WDR25: variants seen among roughly 807,000 people sequenced by gnomAD.
WDR25 encodes WD repeat domain 25, also known as WD repeat-containing protein 25.
WDR25 carries 35 observed loss-of-function variants against 47.7 expected under a neutral mutation model. The ratio of observed to expected loss-of-function variants is 0.73; its 90% CI spans 0.56 to 0.97. The LOEUF (loss-of-function observed/expected upper bound fraction) is 0.97. WDR25 is among the 50% of genes least tolerant of loss of function. WDR25 has a pLI of 0.00. For missense variants in WDR25, 634 were observed against 704.7 expected, an observed-to-expected ratio of 0.90 and a Z score of 1.14; for synonymous variants, 248 against 278.9, an observed-to-expected ratio of 0.89 and a Z score of 1.10.
intron 4 of WDR25, among the ~76,000 whole-genome samples, chr14:100,507,689 C>A (rs1901161948): frequency 6.7e-6 from 1 of 148,710 alleles, no homozygotes; most frequent in African/African-American, 2.5e-5. Flanking sequence ...AATGGTATTG[C>A]AAATGGGATT....
At chr14:100,396,130 C>T (rs1273818846) in intron 2 of WDR25, among the ~76,000 whole-genome samples, 3 of 152,044 alleles carry the variant, frequency 2.0e-5, no homozygotes, top group Non-Finnish European at 2.9e-5. Flanking sequence ...GCGCCCACCA[C>T]CACGCCCGGC....
intron 4 of WDR25, among the ~76,000 whole-genome samples, chr14:100,492,176 T>C (rs1900588199): frequency 6.6e-6 from 1 of 152,248 alleles, no homozygotes; most frequent in African/African-American, 2.4e-5. Flanking sequence ...TCTGTTTCTC[T>C]CAATATTCAG....
At chr14:100,510,551 C>T (rs534631640) in intron 4 of WDR25, among the ~76,000 whole-genome samples, 33 of 151,928 alleles carry the variant, frequency 2.2e-4, no homozygotes, top group Admixed American at 2.0e-3. Flanking sequence ...GCCTGGCCAA[C>T]ATGGTGAAAC....
At chr14:100,426,845 A>G (rs992233202) in intron 2 of WDR25, among the ~76,000 whole-genome samples, 14 of 152,158 alleles carry the variant, frequency 9.2e-5, no homozygotes, top group African/African-American at 2.2e-4. Context: ...GCCGCCTGGT[A>G]TGGGTGCTGC....
intron 2 of WDR25, among the ~76,000 whole-genome samples, chr14:100,396,504 C>T (rs1897263386): frequency 1.3e-5 from 2 of 152,204 alleles, no homozygotes; most frequent in South Asian, 4.2e-4. Context: ...CCAGCTGGTG[C>T]CTTGCGTCTT....
chr14:100,527,507 C>T (rs2030244684), intron 5 of WDR25, among the ~76,000 whole-genome samples: 1 of 152,174 alleles, frequency 6.6e-6, no homozygotes, highest in African/African-American at 2.4e-5. Flanking sequence ...CTGCCTTTTC[C>T]TTGTTCTCAG....
intron 2 of WDR25, among the ~76,000 whole-genome samples, chr14:100,416,294 A>G (rs1352365102): frequency 1.3e-5 from 2 of 152,228 alleles, no homozygotes; most frequent in Admixed American, 1.3e-4. Flanking sequence ...GTAGATGCCC[A>G]AATTGTGACT....
chr14:100,474,195 C>T (rs1899942446), intron 3 of WDR25, among the ~76,000 whole-genome samples: 1 of 152,214 alleles, frequency 6.6e-6, no homozygotes. Context: ...TCGTTTCTCA[C>T]TCTGAAAGTG....
At chr14:100,437,691 G>A (rs1019768451) in intron 2 of WDR25, among the ~76,000 whole-genome samples, 3 of 152,072 alleles carry the variant, frequency 2.0e-5, no homozygotes, top group Non-Finnish European at 2.9e-5. Context: ...TACTGTTACT[G>A]CTACTGATGT....
rs775473169 is a variant in WDR25 at position 100,525,826 on chromosome 14, C to T, written c.1102-44C>T. 9.8e-5 allele frequency: 157 copies of T among 1,603,272 alleles called. No homozygotes were observed. Among genetic ancestry groups the T allele is most frequent in the African/African-American group, 5.2e-4 (39 of 74,636 alleles). ...GGCCTTCCCTGCATAGGCGCCTGTC[C>T]GTGCTGCCAGGCCTGCCAGCATGAC... On this transcript the variant is annotated intron_variant, in intron 4 of 6. Transcript: ENST00000402312. This position sits in a 1 kb window ranked among gnomAD's most constrained non-coding sequence, Gnocchi z 4.6.
chr14:100,518,772 T>A lies in WDR25; in HGVS notation c.1102-7098T>A, dbSNP rs989630191. On this transcript the variant is annotated intron_variant, in intron 4 of 6. Transcript: ENST00000402312. The stretch of plus-strand genomic sequence containing the variant: ...CAGGCATTGCAACGTGTGCCTGTAG[T>A]CCCAGCTAGAGGACGGGAGGCTGAG... Among the ~76,000 whole-genome samples, 4 of 151,834 alleles carry A rather than the reference T, an allele frequency of 2.6e-5. No homozygotes were observed. The East Asian group carries it at 7.7e-4, about 29-fold the overall frequency.
rs1898133050 is a variant in WDR25 at position 100,425,195 on chromosome 14, TTGATG to T, written c.823-42823_823-42819del. Reference sequence around the variant, plus strand: ...GGGCTCAGGATCAAGTTCCTCTTCCTTGATGTGGGTCCTGGGTCCTTGGAGGCTGG... The same window carrying T: ...GGGCTCAGGATCAAGTTCCTCTTCCTTGGGTCCTGGGTCCTTGGAGGCTGG... On this transcript the variant is annotated intron_variant, in intron 2 of 6. Coordinates refer to ENST00000402312, the MANE Select transcript of WDR25 (RefSeq NM_001161476.3). The surrounding 1 kb of genome is among the most constrained non-coding windows in gnomAD (Gnocchi z 4.8). 6.6e-6 allele frequency among the ~76,000 whole-genome samples: 1 copy of T among 152,206 alleles called. No homozygotes were observed. The highest frequency in any genetic ancestry group is 2.4e-5 in the African/African-American group (1 of 41,448).
At chr14:100,452,551 G>C (rs1455874228) in intron 2 of WDR25, among the ~76,000 whole-genome samples, 1 of 152,176 alleles carries the variant, frequency 6.6e-6, no homozygotes, top group African/African-American at 2.4e-5. Flanking sequence ...AGAGCACCTG[G>C]ACAGAGGAGT....
At chr14:100,433,211 G>T (rs1300756739) in intron 2 of WDR25, among the ~76,000 whole-genome samples, 1 of 152,182 alleles carries the variant, frequency 6.6e-6, no homozygotes, top group Non-Finnish European at 1.5e-5. Flanking sequence ...TATCTCTTTA[G>T]TCTCCGTTAG....
At chr14:100,483,846 A>G (rs769869881) in intron 3 of WDR25, 148 bp from the exon 4 acceptor site, 158 of 957,946 alleles carry the variant, frequency 1.6e-4, no homozygotes, top group Non-Finnish European at 2.0e-4. Flanking sequence ...CACCGCTGTC[A>G]TATTTCCAAA....
chr14:100,475,156 T>C (rs996287325), intron 3 of WDR25, among the ~76,000 whole-genome samples: 6 of 152,218 alleles, frequency 3.9e-5, no homozygotes, highest in Non-Finnish European at 8.8e-5. Context: ...TTGGTGAGGA[T>C]GTGGAGAAAA....
chr14:100,387,176 G>A (rs897604179), intron 2 of WDR25, among the ~76,000 whole-genome samples: 1 of 151,968 alleles, frequency 6.6e-6, no homozygotes, highest in African/African-American at 2.4e-5. Context: ...CCAGCCTAGT[G>A]CCTGACAAGG....
intron 2 of WDR25, among the ~76,000 whole-genome samples, chr14:100,395,984 T>G (rs113596625): frequency 0.017 from 2,584 of 150,180 alleles, 99 homozygotes; most frequent in African/African-American, 0.06. Context: ...TTTTTTTTTT[T>G]TTTTTTTTTT....
chr14:100,419,042 A>G (rs1317349818), intron 2 of WDR25, among the ~76,000 whole-genome samples: 1 of 152,038 alleles, frequency 6.6e-6, no homozygotes, highest in Non-Finnish European at 1.5e-5. Flanking sequence ...AACATGGGGA[A>G]ACCCCATCTC....
Sources: allele counts gnomAD v4.1 joint callset (sites outside exome capture counted in the v4.1 genomes callset), GRCh38; gene constraint gnomAD v4.1.1; non-coding constraint Gnocchi (gnomAD v3.1); transcripts MANE v1.5; gene names NCBI Gene and HGNC (gene_info 2026-07-23, HGNC 2026-07-21).